PLG: variants seen among roughly 807,000 people sequenced by gnomAD.
PLG encodes plasminogen.
In PLG, 41 loss-of-function variants were observed where a neutral mutation model predicts 104.4. That is an observed-to-expected ratio of 0.39 (90% confidence interval 0.31 to 0.51). PLG has a LOEUF of 0.51. PLG is among the 20% of genes least tolerant of loss of function. The pLI, the probability that PLG is intolerant of heterozygous loss-of-function variation, is 0.76. For synonymous variants in PLG, 337 were observed against 357.1 expected (o/e 0.94, Z 0.63); for missense variants, 891 against 1,003.6 (o/e 0.89, Z 1.52).
intron 6 of PLG, among the ~76,000 whole-genome samples, chr6:160,716,066 T>A (rs1360193333): frequency 1.3e-5 from 2 of 152,226 alleles, no homozygotes; most frequent in African/African-American, 4.8e-5. Context: ...TCAAGGCTGG[T>A]GGGAGCAGAG....
rs147618010 is a variant in PLG, at chr6:160,725,671, T to G, written c.1256+3104T>G. On this transcript the variant is annotated intron_variant, in intron 10 of 18. Transcript: ENST00000308192. This position sits in a 1 kb window ranked among gnomAD's most constrained non-coding sequence, Gnocchi z 6.3. ...AACATTGCACAGAAAAGGCAGAGAT[T>G]ATTAAGCTGAATAAAAATCAAAGCC... Among the ~76,000 whole-genome samples the G allele has an allele frequency of 1.4e-3, 208 of 152,232 alleles. No homozygotes were observed. The highest frequency in any genetic ancestry group is 4.9e-3 in the African/African-American group (204 of 41,554).
rs115406365 is a variant in PLG, at chr6:160,753,844, G to A, written c.*783G>A. 2.2e-3 allele frequency among the ~76,000 whole-genome samples: 334 copies of A among 152,342 alleles called. No homozygotes were observed. The highest frequency in any genetic ancestry group is 7.4e-3 in the African/African-American group (308 of 41,578). On this transcript the variant is annotated 3_prime_UTR_variant, in exon 19 of 19. Transcript: ENST00000308192. The surrounding 1 kb of genome is among the most constrained non-coding windows in gnomAD (Gnocchi z 5.4). ...CAGTCTGCAGTACACACGGTCACAG[G>A]AGAATGACCTGTGGGAGAGATACAT...
chr6:160,718,166 G>A, intron 7 of PLG, 128 bp from the exon 8 acceptor site: 1 of 776,676 alleles, frequency 1.3e-6, no homozygotes, highest in South Asian at 1.4e-5. Flanking sequence ...GCAGGAGAAT[G>A]ACTTGAACCC....
chr6:160,713,878 TA>T (rs564308132), intron 5 of PLG, among the ~76,000 whole-genome samples: 1 of 152,116 alleles, frequency 6.6e-6, no homozygotes, highest in East Asian at 1.9e-4. Context: ...TAAAAAATTT[TA>T]AAAAAATCCT....
At chr6:160,750,542 G>A (rs774840250) in intron 17 of PLG, among the ~76,000 whole-genome samples, 17 of 152,224 alleles carry the variant, frequency 1.1e-4, no homozygotes, top group Non-Finnish European at 1.6e-4. Flanking sequence ...ACACAGTCCA[G>A]GTGATGCACC....
chr6:160,748,122 C>T (rs1038971695), intron 17 of PLG, among the ~76,000 whole-genome samples: 6 of 151,380 alleles, frequency 4.0e-5, no homozygotes, highest in South Asian at 2.1e-4. Context: ...CTGACCAACA[C>T]GGTGAAACCC....
In PLG at chr6:160,752,361, A is replaced by G. The variant is rs1392077234; in HGVS notation, c.2271+101A>G. 3 of 1,033,024 alleles carry G rather than the reference A, an allele frequency of 2.9e-6. No individual in the cohort carries two copies. Among genetic ancestry groups the G allele is most frequent in the African/African-American group, 3.1e-5 (2 of 63,796 alleles). The allele number at this position is 1,033,024 out of a possible 1,614,324, so 64.0% of individuals were successfully genotyped here. ...CAGGTGGCAAATTCAAGGATTTTCA[A>G]CCGAAGACCCCAGTCTAAGTGTTGT... On this transcript the variant is annotated intron_variant, in intron 18 of 18. Coordinates refer to ENST00000308192, the MANE Select transcript of PLG (RefSeq NM_000301.5). The surrounding 1 kb of genome is among the most constrained non-coding windows in gnomAD (Gnocchi z 4.7).
rs1424956550 is a variant in PLG at position 160,739,962 on chromosome 6, T to C, written c.2018+754T>C. Among the ~76,000 whole-genome samples, 1 of 152,218 alleles carries C rather than the reference T, an allele frequency of 6.6e-6. No homozygotes were observed. The highest frequency in any genetic ancestry group is 1.5e-5 in the Non-Finnish European group (1 of 68,036). ...TTTGCTTATGTCACTCATTTAGTGC[T>C]GTTTGGAGCCAGATACTAGTTGAGT... On this transcript the variant is annotated intron_variant, in intron 16 of 18. Transcript: ENST00000308192. The surrounding 1 kb of genome is among the most constrained non-coding windows in gnomAD (Gnocchi z 4.4).
chr6:160,704,038 C>T (rs1339341203), intron 1 of PLG, among the ~76,000 whole-genome samples: 1 of 152,210 alleles, frequency 6.6e-6, no homozygotes, highest in African/African-American at 2.4e-5. Flanking sequence ...TACACATTCA[C>T]ACACCACAGT....
chr6:160,748,947 T>C (rs920438536), intron 17 of PLG, among the ~76,000 whole-genome samples: 2 of 152,190 alleles, frequency 1.3e-5, no homozygotes, highest in African/African-American at 4.8e-5. Flanking sequence ...CCAACCTGCA[T>C]CAGCTGTTCC....
intron 1 of PLG, among the ~76,000 whole-genome samples, chr6:160,703,088 G>C: frequency 9.1e-6 from 1 of 109,410 alleles, no homozygotes; most frequent in Non-Finnish European, 2.2e-5. Flanking sequence ...TATAAACAAA[G>C]AAATCAGACT....
At chr6:160,722,799 G>A (rs1339615622) in intron 10 of PLG, among the ~76,000 whole-genome samples, 1 of 152,126 alleles carries the variant, frequency 6.6e-6, no homozygotes, top group African/African-American at 2.4e-5. Context: ...GACATCTGGA[G>A]GTGATGAGGT....
chr6:160,749,280 C>T (rs1413017511), intron 17 of PLG, among the ~76,000 whole-genome samples: 1 of 152,118 alleles, frequency 6.6e-6, no homozygotes. Context: ...TCACCATCCA[C>T]ATTGCAACCA....
rs778597933 is a variant in PLG, at chr6:160,714,899, G to T, written c.653G>T (p.Gly218Val). 9 of 1,613,686 alleles carry T rather than the reference G, an allele frequency of 5.6e-6. No individual in the cohort carries two copies. Among genetic ancestry groups the T allele is most frequent in the Non-Finnish European group, 6.8e-6 (8 of 1,179,808 alleles). The change falls in exon 6 of 19, where the codon GGA (glycine) becomes GTA (valine). Residue 218 changes from glycine (G) to valine (V), a missense_variant. Transcript: ENST00000308192. ...AWDSQSPHAH[G>V]YIPSKFPNKN... is the part of the protein sequence containing the mutation. Reference sequence around the variant, plus strand: ...GACTCTCAGAGCCCACACGCTCATGGATACATTCCTTCCAAGTAAGTCTCA... The same window carrying T: ...GACTCTCAGAGCCCACACGCTCATGTATACATTCCTTCCAAGTAAGTCTCA...
intron 17 of PLG, among the ~76,000 whole-genome samples, chr6:160,750,008 C>A (rs548643624): frequency 2.6e-5 from 4 of 152,142 alleles, no homozygotes; most frequent in Non-Finnish European, 4.4e-5. Flanking sequence ...TCAGTCCCAC[C>A]GCCAACCACC....
At chr6:160,703,900 G>A (rs1008069749) in intron 1 of PLG, among the ~76,000 whole-genome samples, 1 of 152,216 alleles carries the variant, frequency 6.6e-6, no homozygotes, top group Non-Finnish European at 1.5e-5. Flanking sequence ...TTCTGTGGAT[G>A]TATCATCTTT....
Position 160,738,478 on chromosome 6 carries a change from T to C in PLG, c.1803-60T>C. The C allele has an allele frequency of 9.7e-7, 1 of 1,026,332 alleles. No homozygotes were observed. The highest frequency in any genetic ancestry group is 1.3e-5 in the South Asian group (1 of 79,276). The allele number at this position is 1,026,332 out of a possible 1,614,324, so 63.6% of individuals were successfully genotyped here. On this transcript the variant is annotated intron_variant, in intron 14 of 18. Transcript: ENST00000308192. This position sits in a 1 kb window ranked among gnomAD's most constrained non-coding sequence, Gnocchi z 6.8. ...GTGAACGTGTCTTTCTGGCTTTCTG[T>C]ACAATGGAGCAGAACAAAGTATCAA...
chr6:160,748,422 G>A (rs1456899474), intron 17 of PLG, among the ~76,000 whole-genome samples: 2 of 88,976 alleles, frequency 2.2e-5, no homozygotes, highest in South Asian at 1.2e-3. Context: ...GAAAGGGAAA[G>A]AAAGAGAACG....
In PLG at chr6:160,737,215, G is replaced by C. The variant is rs1778099434; in HGVS notation, c.1802+208G>C. Among the ~76,000 whole-genome samples, 1 of 152,196 alleles carries C rather than the reference G, an allele frequency of 6.6e-6. No individual in the cohort carries two copies. Among genetic ancestry groups the C allele is most frequent in the South Asian group, 2.1e-4 (1 of 4,822 alleles). ...TACTGTGAAAATGACAAAAATTGCT[G>C]TCTTTTTCTTGATCTGGGCAGCTCC... On this transcript the variant is annotated intron_variant, in intron 14 of 18. Coordinates refer to ENST00000308192, the MANE Select transcript of PLG (RefSeq NM_000301.5). The surrounding 1 kb of genome is among the most constrained non-coding windows in gnomAD (Gnocchi z 4.7).
Sources: gnomAD v4.1 joint callset for allele counts (sites outside exome capture counted in the v4.1 genomes callset) on GRCh38, gnomAD v4.1.1 for gene constraint, Gnocchi (gnomAD v3.1) non-coding constraint, MANE v1.5 for transcripts, NCBI Gene and HGNC (gene_info 2026-07-23, HGNC 2026-07-21) for gene names.